The following CARNMT1 variants were observed in gnomAD, a reference collection of about 807,000 sequenced individuals.
CARNMT1 encodes carnosine N-methyltransferase 1.
In CARNMT1, 28 loss-of-function variants were observed where a neutral mutation model predicts 49.6. The ratio of observed to expected loss-of-function variants is 0.56; its 90% CI spans 0.42 to 0.77. CARNMT1 has a LOEUF of 0.77. CARNMT1 is among the 30% of genes least tolerant of loss of function. The pLI, the probability that CARNMT1 is intolerant of heterozygous loss-of-function variation, is 0.00. For synonymous variants in CARNMT1, 178 were observed against 175.0 expected (o/e 1.02, Z -0.13); for missense variants, 421 against 512.6 (o/e 0.82, Z 1.73).
intron 3 of CARNMT1, among the ~76,000 whole-genome samples, chr9:75,012,217 G>A (rs1237889667): frequency 6.6e-6 from 1 of 151,844 alleles, no homozygotes; most frequent in Non-Finnish European, 1.5e-5. Context: ...TTATATCTGA[G>A]CTCTGAATGT....
At chr9:74,995,492 T>C (rs1260078607) in intron 6 of CARNMT1, among the ~76,000 whole-genome samples, 1 of 152,226 alleles carries the variant, frequency 6.6e-6, no homozygotes, top group Non-Finnish European at 1.5e-5. Flanking sequence ...GGGATATTTA[T>C]TTTATTATGA....
In CARNMT1 at chr9:74,981,164, G is replaced by A. The variant is rs1832682181; in HGVS notation, c.*2603C>T. ...AGAATGAGAGTTACATATAAATACA[G>A]TACATTTTACAGTTACCAAACTTCA... On this transcript the variant is annotated 3_prime_UTR_variant, in exon 8 of 8. Transcript: ENST00000376834. 1.3e-5 allele frequency: 2 copies of A among 152,068 alleles called. No homozygotes were observed. Among genetic ancestry groups the A allele is most frequent in the South Asian group, 4.1e-4 (2 of 4,832 alleles). The allele number at this position is 152,068 out of a possible 1,614,324, so 9.4% of individuals were successfully genotyped here.
chr9:75,009,060 CTTTTTTTTT>C (rs752851220), intron 3 of CARNMT1, among the ~76,000 whole-genome samples: 1 of 125,516 alleles, frequency 8.0e-6, no homozygotes, highest in Non-Finnish European at 1.7e-5. Flanking sequence ...AAAGGACAGT[CTTTTTTTTT>C]TTTTTTTTTT....
intron 3 of CARNMT1, among the ~76,000 whole-genome samples, chr9:75,007,722 C>A: frequency 1.5e-5 from 2 of 135,458 alleles, no homozygotes. Flanking sequence ...GAGCGAGACC[C>A]TGTCTCAAAA....
At chr9:74,995,711 T>C (rs535807797) in intron 6 of CARNMT1, among the ~76,000 whole-genome samples, 1 of 152,326 alleles carries the variant, frequency 6.6e-6, no homozygotes, top group East Asian at 1.9e-4. Flanking sequence ...TGTCCTTTTA[T>C]GTAGTATAAT....
intron 6 of CARNMT1, among the ~76,000 whole-genome samples, chr9:74,993,830 G>A (rs180990435): frequency 1.2e-3 from 183 of 152,146 alleles, no homozygotes; most frequent in African/African-American, 4.2e-3. Flanking sequence ...AACCACAATC[G>A]AGAAACCCTG....
intron 1 of CARNMT1, among the ~76,000 whole-genome samples, chr9:75,020,267 C>CT (rs200444980): frequency 0.012 from 1,545 of 124,268 alleles, 48 homozygotes; most frequent in African/African-American, 0.039. Flanking sequence ...CATTTTTCTT[C>CT]TTTTTTTTTT....
Position 74,985,005 on chromosome 9 carries a change from G to C in CARNMT1, c.1030C>G (p.Leu344Val). 1 of 1,608,962 alleles carries C rather than the reference G, an allele frequency of 6.2e-7. No individual in the cohort carries two copies. ...PGGIWINLGP[L>V]LYHFENLANE... ...GCCAGATTTTCAAAGTGGTACAGCA[G>C]AGGACCTATGGTTTAAAGATACTAT... Residue 344 changes from leucine (L) to valine (V), a missense_variant, in exon 7 of 8, where the codon CTG becomes GTG. Leu to Val is a conservative substitution (Grantham distance 32). Coordinates refer to ENST00000376834, the MANE Select transcript of CARNMT1 (RefSeq NM_152420.3).
intron 6 of CARNMT1, 151 bp from the exon 7 acceptor site, chr9:74,985,161 T>G: frequency 1.6e-6 from 1 of 613,672 alleles, no homozygotes; most frequent in Non-Finnish European, 2.8e-6. Flanking sequence ...CTCTGAAAAT[T>G]TGGCCTAGTA....
At chr9:74,986,696 T>G (rs1190900795) in intron 6 of CARNMT1, among the ~76,000 whole-genome samples, 1 of 152,166 alleles carries the variant, frequency 6.6e-6, no homozygotes, top group African/African-American at 2.4e-5. Flanking sequence ...CCTAGAAAGC[T>G]CCAACCCTCC....
chr9:75,027,059 A>C (rs1182671621), intron 1 of CARNMT1: 1 of 1,303,788 alleles, frequency 7.7e-7, no homozygotes, highest in Non-Finnish European at 1.0e-6. Flanking sequence ...TTACCTGCGT[A>C]GGAGGTCATG....
intron 3 of CARNMT1, among the ~76,000 whole-genome samples, chr9:75,014,314 G>A (rs1196986795): frequency 1.3e-5 from 2 of 152,154 alleles, no homozygotes. Flanking sequence ...GTAGACAACT[G>A]GGCGAATAAG....
intron 6 of CARNMT1, among the ~76,000 whole-genome samples, chr9:74,994,307 G>A (rs572761904): frequency 1.1e-4 from 17 of 152,372 alleles, no homozygotes; most frequent in African/African-American, 4.1e-4. Context: ...CTGTGGTATT[G>A]TTATGGTAGC....
intron 1 of CARNMT1, among the ~76,000 whole-genome samples, chr9:75,021,410 C>T (rs1441296434): frequency 2.1e-5 from 3 of 145,032 alleles, no homozygotes; most frequent in Non-Finnish European, 3.0e-5. Context: ...ATACTATATA[C>T]ATACTATATA....
At chr9:75,027,843 G>A (rs1822575732) in intron 1 of CARNMT1, among the ~76,000 whole-genome samples, 169 bp downstream of exon 1, 1 of 152,274 alleles carries the variant, frequency 6.6e-6, no homozygotes, top group South Asian at 2.1e-4. Context: ...GGCCGGGAGG[G>A]GCTGGGGTGG....
rs373769846 is a variant in CARNMT1 at position 74,989,412 on chromosome 9, GT to G, written c.1025-4403del. Among the ~76,000 whole-genome samples, 598 of 152,222 alleles carry G rather than the reference GT, an allele frequency of 3.9e-3. 2 individuals are homozygous for G. Among genetic ancestry groups the G allele is most frequent in the South Asian group, 7.7e-3 (37 of 4,824 alleles). ...TTACAGGCATGAGCTACGTCATCCA[GT>G]TTTTTTATTATTAAAATAACTTGCA... On this transcript the variant is annotated intron_variant, in intron 6 of 7. Transcript: ENST00000376834.
chr9:75,020,899 T>C (rs1822326750), intron 1 of CARNMT1, among the ~76,000 whole-genome samples: 1 of 152,184 alleles, frequency 6.6e-6, no homozygotes, highest in Admixed American at 6.5e-5. Context: ...ATCCAGGTTA[T>C]GACACCTATT....
At chr9:75,027,118 A>T in intron 1 of CARNMT1, 1 of 1,304,258 alleles carries the variant, frequency 7.7e-7, no homozygotes, top group Non-Finnish European at 1.0e-6. Flanking sequence ...CGGTGGACTC[A>T]TATCTCTTAC....
intron 1 of CARNMT1, among the ~76,000 whole-genome samples, chr9:75,019,050 T>C (rs572717580): frequency 6.0e-5 from 9 of 151,230 alleles, no homozygotes; most frequent in African/African-American, 1.7e-4. Flanking sequence ...ATAGTTACTA[T>C]AGAATGAAGA....
Sources: gnomAD v4.1 joint callset for allele counts (sites outside exome capture counted in the v4.1 genomes callset) on GRCh38, gnomAD v4.1.1 for gene constraint, MANE v1.5 for transcripts, NCBI Gene and HGNC (gene_info 2026-07-23, HGNC 2026-07-21) for gene names.